The following CELSR1 variants were observed in gnomAD, a reference collection of about 807,000 sequenced individuals.
CELSR1 encodes the protein cadherin EGF LAG seven-pass G-type receptor 1, also known as adhesion G protein-coupled receptor C1.
Under a neutral mutation model 249.1 loss-of-function variants are expected in CELSR1, and 110 were observed. That is an observed-to-expected ratio of 0.44 (90% CI 0.38 to 0.52). CELSR1 has a LOEUF of 0.52. CELSR1 is among the 20% of genes least tolerant of loss of function. CELSR1 has a pLI of 0.00. For synonymous variants in CELSR1, 2,113 were observed against 1,900.0 expected, an observed-to-expected ratio of 1.11 and a Z score of -2.92; for missense variants, 4,109 against 4,296.4, an observed-to-expected ratio of 0.96 and a Z score of 1.22.
intron 1 of CELSR1, among the ~76,000 whole-genome samples, chr22:46,521,492 A>G (rs5768883): frequency 0.91 from 136,282 of 149,968 alleles, 61,890 homozygotes; most frequent in East Asian, 0.94. Context: ...GCGACAGAGC[A>G]AGACTCCATC....
In CELSR1 at chr22:46,398,848, T is replaced by C. The variant is rs1003041875; in HGVS notation, c.5413-211A>G. ...AGGGCGAGGGGACCAGGCCAGAGGA[T>C]GGGTGTCCATGCCCCAGCCTAGCTG... is the stretch of plus-strand genomic sequence containing the variant. On this transcript the variant is annotated intron_variant, in intron 10 of 34. Transcript: ENST00000674500. The surrounding 1 kb of genome is among the most constrained non-coding windows in gnomAD (Gnocchi z 7.2). Among the ~76,000 whole-genome samples, 1 of 152,162 alleles carries C rather than the reference T, an allele frequency of 6.6e-6. No homozygotes were observed.
In CELSR1 at chr22:46,403,972, A is replaced by C. The variant is rs1239178816; in HGVS notation, c.5227-4070T>G. On this transcript the variant is annotated intron_variant, in intron 9 of 34. Transcript: ENST00000674500. ...TGGTGACAGAGTGAAACTCCGTCTC[A>C]AAAAAAAAAAAAAAAAAAGAAAAAA... is the stretch of plus-strand genomic sequence containing the variant. 3.9e-4 allele frequency among the ~76,000 whole-genome samples: 48 copies of C among 124,430 alleles called. No homozygotes were observed. The East Asian group carries it at 7.4e-3, about 19-fold the overall frequency. The allele number at this position is 124,430 out of a possible 152,430, so 81.6% of individuals were successfully genotyped here. A position where few individuals can be genotyped will look rare whatever the true frequency, so the allele number is the denominator to read the frequency against.
chr22:46,439,708 T>C (rs571807134), intron 2 of CELSR1, among the ~76,000 whole-genome samples: 54 of 152,156 alleles, frequency 3.5e-4, no homozygotes, highest in Non-Finnish European at 5.4e-4. Flanking sequence ...AATGAGCCCT[T>C]CCCAGCCTCC....
chr22:46,446,580 G>A lies in CELSR1; in HGVS notation c.4184-7169C>T, dbSNP rs2079823480. 6.6e-6 allele frequency among the ~76,000 whole-genome samples: 1 copy of A among 152,036 alleles called. No homozygotes were observed. Among genetic ancestry groups the A allele is most frequent in the Admixed American group, 6.6e-5 (1 of 15,256 alleles). ...GCCTGGTGTGTGCAGGGCATATGCT[G>A]AGCACCTGGCAGGGAGGGTCGCAGG... On this transcript the variant is annotated intron_variant, in intron 2 of 34. Coordinates refer to ENST00000674500, the MANE Select transcript of CELSR1 (RefSeq NM_001378328.1). The surrounding 1 kb of genome is among the most constrained non-coding windows in gnomAD (Gnocchi z 5.5).
At chr22:46,516,500 G>T (rs1161352682) in intron 1 of CELSR1, among the ~76,000 whole-genome samples, 2 of 151,930 alleles carry the variant, frequency 1.3e-5, no homozygotes, top group South Asian at 4.2e-4. Flanking sequence ...GGTTTTGGGG[G>T]GTTTTTTAAA....
chr22:46,407,129 A>G lies in CELSR1; in HGVS notation c.5226+1867T>C, dbSNP rs192619552. ...TGAAGGGAGGTCAGGAGGGAGCCCC[A>G]GGCTCACTCTGGTTGGAGATAATGA... On this transcript the variant is annotated intron_variant, in intron 9 of 34. Transcript: ENST00000674500. The surrounding 1 kb of genome is among the most constrained non-coding windows in gnomAD (Gnocchi z 4.8). Among the ~76,000 whole-genome samples, 1 of 152,320 alleles carries G rather than the reference A, an allele frequency of 6.6e-6. No individual in the cohort carries two copies. The highest frequency in any genetic ancestry group is 1.9e-4 in the East Asian group (1 of 5,184).
chr22:46,519,469 C>T (rs931303991), intron 1 of CELSR1, among the ~76,000 whole-genome samples: 1 of 152,194 alleles, frequency 6.6e-6, no homozygotes, highest in African/African-American at 2.4e-5. Flanking sequence ...CACAGGGCTA[C>T]GATTTGGGAG....
intron 2 of CELSR1, among the ~76,000 whole-genome samples, chr22:46,461,952 G>A (rs1030573438): frequency 2.6e-5 from 4 of 152,226 alleles, no homozygotes; most frequent in East Asian, 1.9e-4. Context: ...GGGCAAAGGG[G>A]AGGAAGGGGA....
At chr22:46,444,222 G>C (rs2079790730) in intron 2 of CELSR1, among the ~76,000 whole-genome samples, 1 of 152,260 alleles carries the variant, frequency 6.6e-6, no homozygotes, top group African/African-American at 2.4e-5. Context: ...CTCACCTCCA[G>C]CCTGGGATTT....
At chr22:46,416,936 C>A (rs185467573) in intron 5 of CELSR1, among the ~76,000 whole-genome samples, 5 of 80,108 alleles carry the variant, frequency 6.2e-5, no homozygotes, top group Non-Finnish European at 4.6e-5. Context: ...GGTGGGGGTA[C>A]GGTTTCAATG....
intron 5 of CELSR1, among the ~76,000 whole-genome samples, chr22:46,419,193 C>T (rs1438722082): frequency 6.6e-6 from 1 of 152,206 alleles, no homozygotes; most frequent in African/African-American, 2.4e-5. Flanking sequence ...GCTACTCCCC[C>T]AGGTGTTTTG....
At chr22:46,531,183 C>A (rs1010647736) in intron 1 of CELSR1, among the ~76,000 whole-genome samples, 1 of 123,394 alleles carries the variant, frequency 8.1e-6, no homozygotes, top group Non-Finnish European at 1.8e-5. Flanking sequence ...TTCTGCGCAT[C>A]CTTTTATTTA....
At chr22:46,375,997 C>A (rs1017830187) in intron 24 of CELSR1, among the ~76,000 whole-genome samples, 3 of 152,262 alleles carry the variant, frequency 2.0e-5, no homozygotes, top group Non-Finnish European at 4.4e-5. Flanking sequence ...CCCTGCACCA[C>A]AGTGGTGAAC....
chr22:46,528,990 G>A (rs758442891), intron 1 of CELSR1, among the ~76,000 whole-genome samples: 13 of 149,246 alleles, frequency 8.7e-5, no homozygotes, highest in Non-Finnish European at 1.9e-4. Context: ...CCTGGGCCGG[G>A]CACAGTGGCT....
rs777742983 is a variant in CELSR1 at position 46,464,957 on chromosome 22, C to G, written c.3545-612G>C. Among the ~76,000 whole-genome samples the G allele has an allele frequency of 1.3e-5, 2 of 152,186 alleles. No individual in the cohort carries two copies. Among genetic ancestry groups the G allele is most frequent in the Non-Finnish European group, 2.9e-5 (2 of 68,036 alleles). On this transcript the variant is annotated intron_variant, in intron 1 of 34. Transcript: ENST00000674500. The surrounding 1 kb of genome is among the most constrained non-coding windows in gnomAD (Gnocchi z 8.5). ...ACCCCACGCAACTCCACATGCCCAG[C>G]ACACAGGAGGGGCCGAGGAGCACCG... is the stretch of plus-strand genomic sequence containing the variant.
chr22:46,407,316 C>T lies in CELSR1; in HGVS notation c.5226+1680G>A, dbSNP rs563805593. Among the ~76,000 whole-genome samples the T allele has an allele frequency of 1.1e-4, 16 of 152,140 alleles. No individual in the cohort carries two copies. The South Asian group carries it at 1.5e-3, about 14-fold the overall frequency. ...AGACTGACATGCACACACACTTGCA[C>T]GGAGATATGCGCACACACACACACA... On this transcript the variant is annotated intron_variant, in intron 9 of 34. Transcript: ENST00000674500. This position sits in a 1 kb window ranked among gnomAD's most constrained non-coding sequence, Gnocchi z 4.8.
chr22:46,489,224 C>T (rs1317109551), intron 1 of CELSR1, among the ~76,000 whole-genome samples: 1 of 152,072 alleles, frequency 6.6e-6, no homozygotes. Context: ...CCCAATTCCT[C>T]GTCATCACAA....
At position 46,493,047 on chromosome 22, in the gene CELSR1, C is replaced by A. The variant is rs2080382249; in HGVS notation, c.3545-28702G>T. 2.0e-5 allele frequency among the ~76,000 whole-genome samples: 3 copies of A among 151,902 alleles called. No homozygotes were observed. The South Asian group carries it at 6.2e-4, about 32-fold the overall frequency. On this transcript the variant is annotated intron_variant, in intron 1 of 34. Transcript: ENST00000674500. ...TCGCTTGAGGCTGGGAATTCCAGAC[C>A]AGCCTGGGAAACATAGCCAGATCCT...
At chr22:46,394,049 A>T (rs1348382250) in intron 14 of CELSR1, 93 bp downstream of exon 14, 1 of 1,499,974 alleles carries the variant, frequency 6.7e-7, no homozygotes, top group Non-Finnish European at 9.1e-7. Context: ...GTGTGTACCG[A>T]CAGGGTATGT....
Sources: allele counts gnomAD v4.1 joint callset (sites outside exome capture counted in the v4.1 genomes callset), GRCh38; gene constraint gnomAD v4.1.1; non-coding constraint Gnocchi (gnomAD v3.1); transcripts MANE v1.5; gene names NCBI Gene and HGNC (gene_info 2026-07-23, HGNC 2026-07-21).